Variants in LRTM1 observed in about 807,000 individuals in gnomAD.
The protein encoded by LRTM1 is leucine rich repeat transmembrane protein 1.
A neutral mutation model predicts 32.4 loss-of-function variants in LRTM1; 38 were observed. The ratio of observed to expected loss-of-function variants is 1.17; its 90% CI spans 0.91 to 1.54. The LOEUF (loss-of-function observed/expected upper bound fraction) is 1.54, where lower values mean the gene tolerates loss of function less well. Ranked by LOEUF, LRTM1 falls within the 40% of genes most tolerant of loss-of-function variation. LRTM1 has a pLI of 0.00. For missense variants in LRTM1, 466 were observed against 415.4 expected (o/e 1.12, Z -1.06); for synonymous variants, 186 against 169.9 (o/e 1.09, Z -0.74).
intron 1 of LRTM1, among the ~76,000 whole-genome samples, chr3:54,938,198 C>G (rs980893780): frequency 6.6e-6 from 1 of 152,248 alleles, no homozygotes; most frequent in African/African-American, 2.4e-5. Context: ...CAAGGAAGAA[C>G]CAGCCCTGCT....
upstream of LRTM1, among the ~76,000 whole-genome samples, chr3:54,933,056 CCTTCCTTCCTTCCTT>C (rs1559635638): frequency 2.8e-3 from 19 of 6,902 alleles, no homozygotes; most frequent in South Asian, 0.015. Context: ...TCCCTCCCTT[CCTTCCTTCCTTCCTT>C]CCTTCCTTCC....
At chr3:54,961,668 G>C (rs1027729567) in intron 1 of LRTM1, among the ~76,000 whole-genome samples, 1 of 152,134 alleles carries the variant, frequency 6.6e-6, no homozygotes, top group Non-Finnish European at 1.5e-5. Flanking sequence ...TGATTGATGT[G>C]CACAGGAAGC....
At chr3:54,932,190 A>G (rs2106958710), upstream of LRTM1, among the ~76,000 whole-genome samples, 2 of 152,286 alleles carry the variant, frequency 1.3e-5, 1 homozygote, top group South Asian at 4.1e-4. Flanking sequence ...AAAAATAATA[A>G]TAATAAATGA....
At chr3:54,933,754 C>T (rs112105803) in intron 1 of LRTM1, among the ~76,000 whole-genome samples, 5 of 134,462 alleles carry the variant, frequency 3.7e-5, no homozygotes, top group Non-Finnish European at 7.7e-5. Flanking sequence ...AAAGATATTA[C>T]TATTACTTTT....
intron 1 of LRTM1, among the ~76,000 whole-genome samples, chr3:54,958,113 C>T (rs939098454): frequency 7.2e-5 from 11 of 152,210 alleles, no homozygotes. Context: ...AACAAAGAGC[C>T]TCAACCTCTA....
intron 1 of LRTM1, among the ~76,000 whole-genome samples, chr3:54,943,269 A>T (rs1220278141): frequency 6.6e-6 from 1 of 151,772 alleles, no homozygotes; most frequent in Non-Finnish European, 1.5e-5. Context: ...GCCCTGATCC[A>T]TCATTCCCAA....
chr3:54,918,731 T>A lies in LRTM1; in HGVS notation c.766A>T (p.Arg256Trp). The change falls in exon 3 of 3, where the codon AGG (arginine) becomes TGG (tryptophan). Residue 256 changes from arginine (R) to tryptophan (W), a missense_variant. Coordinates refer to ENST00000273286, the MANE Select transcript of LRTM1 (RefSeq NM_020678.4). ...WPGSAHGVVLRPPENHNAGER... is the reference protein window; with the variant it reads ...WPGSAHGVVLWPPENHNAGER... ...CCCGCGTTGTGGTTCTCAGGAGGCC[T>A]CAGGACCACACCGTGGGCAGAGCCG... The A allele has an allele frequency of 6.2e-7, 1 of 1,614,094 alleles. No homozygotes were observed. Among genetic ancestry groups the A allele is most frequent in the Non-Finnish European group, 8.5e-7 (1 of 1,180,022 alleles).
chr3:54,934,711 C>T (rs1174198269), intron 1 of LRTM1, among the ~76,000 whole-genome samples: 1 of 152,032 alleles, frequency 6.6e-6, no homozygotes, highest in Non-Finnish European at 1.5e-5. Context: ...AAGAGCTCAC[C>T]AGTCTGTTTT....
At chr3:54,919,534 T>A (rs146027510) in intron 2 of LRTM1, among the ~76,000 whole-genome samples, 4 of 152,262 alleles carry the variant, frequency 2.6e-5, no homozygotes, top group African/African-American at 9.6e-5. Context: ...TCCAGTGGGT[T>A]ATTAAACCCA....
At chr3:54,965,562 C>T (rs1051576120) in intron 1 of LRTM1, among the ~76,000 whole-genome samples, 6 of 152,162 alleles carry the variant, frequency 3.9e-5, no homozygotes, top group South Asian at 2.1e-4. Context: ...CTCAACTGGA[C>T]GTGGAGGGAG....
At chr3:54,948,582 G>T (rs932565603) in intron 1 of LRTM1, among the ~76,000 whole-genome samples, 1 of 152,208 alleles carries the variant, frequency 6.6e-6, no homozygotes, top group Admixed American at 6.5e-5. Flanking sequence ...GGTCATGGTT[G>T]CCAGGCACAC....
upstream of LRTM1, among the ~76,000 whole-genome samples, chr3:54,933,051 C>CCCTTCCTTCCTT (rs60554563): frequency 4.2e-4 from 59 of 139,540 alleles, no homozygotes; most frequent in East Asian, 2.8e-3. Context: ...ATCCATCCCT[C>CCCTTCCTTCCTT]CCTTCCTTCC....
At chr3:54,959,418 G>A (rs1406353190) in intron 1 of LRTM1, among the ~76,000 whole-genome samples, 1 of 152,176 alleles carries the variant, frequency 6.6e-6, no homozygotes. Flanking sequence ...CATCCCTCCA[G>A]CTCTGTGGAC....
intron 1 of LRTM1, among the ~76,000 whole-genome samples, chr3:54,936,918 C>G (rs150455019): frequency 1.3e-5 from 2 of 152,264 alleles, no homozygotes; most frequent in African/African-American, 4.8e-5. Flanking sequence ...CGTGTATGCT[C>G]TCACTGCTAC....
At chr3:54,937,573 A>G (rs1575391452) in intron 1 of LRTM1, among the ~76,000 whole-genome samples, 1 of 152,230 alleles carries the variant, frequency 6.6e-6, no homozygotes, top group Non-Finnish European at 1.5e-5. Context: ...ATGAAAAAGT[A>G]CAGCCATTAA....
intron 1 of LRTM1, among the ~76,000 whole-genome samples, chr3:54,961,341 T>G (rs1702025515): frequency 6.6e-6 from 1 of 152,232 alleles, no homozygotes; most frequent in African/African-American, 2.4e-5. Context: ...TGAGCATTTA[T>G]CTGTACAATT....
chr3:54,928,548 T>G (rs1701094803), upstream of LRTM1, among the ~76,000 whole-genome samples: 1 of 152,140 alleles, frequency 6.6e-6, no homozygotes, highest in South Asian at 2.1e-4. Flanking sequence ...GAAGTCTTAT[T>G]CAGCCAACAT....
At chr3:54,938,469 G>C (rs1052382184) in intron 1 of LRTM1, among the ~76,000 whole-genome samples, 1 of 152,160 alleles carries the variant, frequency 6.6e-6, no homozygotes, top group African/African-American at 2.4e-5. Context: ...CATAATCCTA[G>C]TTGGTGTTCC....
chr3:54,944,816 T>TGG (rs1559640174), intron 1 of LRTM1, among the ~76,000 whole-genome samples: 1 of 93,858 alleles, frequency 1.1e-5, no homozygotes, highest in Non-Finnish European at 2.0e-5. Context: ...GAGCTGGGGG[T>TGG]GTGTGTGTGT....
Sources: gnomAD v4.1 joint callset for allele counts (sites outside exome capture counted in the v4.1 genomes callset) on GRCh38, gnomAD v4.1.1 for gene constraint, MANE v1.5 for transcripts, NCBI Gene and HGNC (gene_info 2026-07-23, HGNC 2026-07-21) for gene names.